The following MEI1 variants were observed in gnomAD, a reference collection of about 807,000 sequenced individuals.
MEI1 encodes the protein meiosis inhibitor protein 1.
A neutral mutation model predicts 146.2 loss-of-function variants in MEI1; 103 were observed. That is an observed-to-expected ratio of 0.70 (90% confidence interval 0.60 to 0.83). The LOEUF (loss-of-function observed/expected upper bound fraction) is 0.83, where lower values mean the gene tolerates loss of function less well. Among genes scored for constraint, MEI1 ranks in the 40% least tolerant of loss-of-function variants. MEI1 has a pLI of 0.00. For missense variants in MEI1, 1,529 were observed against 1,533.0 expected (o/e 1.00, Z 0.04); for synonymous variants, 652 against 628.2 (o/e 1.04, Z -0.57).
rs1194103491 is a variant in MEI1 at position 41,699,637 on chromosome 22, G to A, written c.99G>A (p.Pro33=). 4 of 1,604,394 alleles carry A rather than the reference G, an allele frequency of 2.5e-6. No homozygotes were observed. The highest frequency in any genetic ancestry group is 3.4e-6 in the Non-Finnish European group (4 of 1,175,986). The part of the protein sequence containing the change: ...LFERAHYRHD[P]RWLLPVTPRL... ...AGAGGGCCCATTACCGGCACGACCCGCGCTGGCTGCTGCCCGTGACCCCCC... is the reference window on the plus strand; with the variant it reads ...AGAGGGCCCATTACCGGCACGACCCACGCTGGCTGCTGCCCGTGACCCCCC... The change falls in exon 1 of 31, where the codon CCG becomes CCA. Residue 33 remains proline, a synonymous_variant. Coordinates refer to ENST00000401548, the MANE Select transcript of MEI1 (RefSeq NM_152513.4).
At chr22:41,715,259 G>C (rs917382038) in intron 4 of MEI1, among the ~76,000 whole-genome samples, 2 of 152,004 alleles carry the variant, frequency 1.3e-5, no homozygotes, top group Admixed American at 1.3e-4. Flanking sequence ...TAAGAATCTT[G>C]CCAAAAGTGG....
intron 11 of MEI1, among the ~76,000 whole-genome samples, chr22:41,741,205 C>T (rs915153874): frequency 1.3e-5 from 2 of 152,168 alleles, no homozygotes. Context: ...GTGGGACAAG[C>T]TTGCTTTAGA....
chr22:41,760,328 G>T (rs1018125443), intron 18 of MEI1, among the ~76,000 whole-genome samples: 8 of 150,254 alleles, frequency 5.3e-5, no homozygotes, highest in Non-Finnish European at 7.4e-5. Context: ...ATAAAAAAAA[G>T]AATAAAAAAA....
chr22:41,795,561 C>A lies in MEI1; in HGVS notation c.3666+19C>A, dbSNP rs912776194. The A allele has an allele frequency of 1.9e-6, 3 of 1,613,524 alleles. No homozygotes were observed. Among genetic ancestry groups the A allele is most frequent in the Non-Finnish European group, 2.5e-6 (3 of 1,179,728 alleles). On this transcript the variant is annotated intron_variant, in intron 29 of 30. Transcript: ENST00000401548. This position sits in a 1 kb window ranked among gnomAD's most constrained non-coding sequence, Gnocchi z 4.2. ...CCAGCAGGTGGGTGGGAAGGGGAGGCCATGCAGCCACTGTAAAGCTAGACC... is the reference window on the plus strand; with the variant it reads ...CCAGCAGGTGGGTGGGAAGGGGAGGACATGCAGCCACTGTAAAGCTAGACC...
At chr22:41,794,737 G>A (rs2076304305) in intron 28 of MEI1, among the ~76,000 whole-genome samples, 2 of 152,170 alleles carry the variant, frequency 1.3e-5, no homozygotes, top group South Asian at 4.1e-4. Flanking sequence ...TGCCAGGTCT[G>A]CTAGATACTA....
Position 41,784,443 on chromosome 22 carries a change from CAGA to C in MEI1, c.3169+28_3169+30del, listed in dbSNP as rs1455527728. 1.9e-6 allele frequency: 3 copies of C among 1,612,400 alleles called. No homozygotes were observed. The African/African-American group carries it at 4.0e-5, about 22-fold the overall frequency. ...CAGGTATGGGTCCACAAGTCTCCAG[CAGA>C]AGAAAAGCTTTTTCCCTAGGTTTTC... On this transcript the variant is annotated intron_variant, in intron 25 of 30. Transcript: ENST00000401548.
intron 5 of MEI1, among the ~76,000 whole-genome samples, chr22:41,716,750 C>T (rs1359028720): frequency 1.2e-4 from 17 of 144,636 alleles, no homozygotes; most frequent in Non-Finnish European, 2.1e-4. Context: ...AGTGCAGTGG[C>T]GCGATCTCGG....
intron 18 of MEI1, among the ~76,000 whole-genome samples, chr22:41,758,970 C>T (rs552351397): frequency 6.2e-4 from 95 of 152,144 alleles, no homozygotes; most frequent in Admixed American, 1.2e-3. Context: ...TGGCGAAACC[C>T]TGTCTCCACA....
chr22:41,730,404 G>A (rs1377242860), intron 8 of MEI1, 117 bp from the exon 9 acceptor site: 1 of 679,508 alleles, frequency 1.5e-6, no homozygotes, highest in Non-Finnish European at 2.7e-6. Context: ...GAGAGGATAT[G>A]TGAACAGATG....
chr22:41,706,865 A>G (rs1247132802), intron 3 of MEI1, among the ~76,000 whole-genome samples: 1 of 152,090 alleles, frequency 6.6e-6, no homozygotes, highest in African/African-American at 2.4e-5. Context: ...TAGAAACCAC[A>G]CCAATTATTT....
chr22:41,752,794 G>A (rs2073857148), intron 16 of MEI1, 143 bp downstream of exon 16: 6 of 742,378 alleles, frequency 8.1e-6, no homozygotes, highest in Non-Finnish European at 1.4e-5. Flanking sequence ...AGCATCTGGT[G>A]CAATAAGCTG....
chr22:41,741,959 A>AAAG, intron 11 of MEI1, among the ~76,000 whole-genome samples: 1 of 150,520 alleles, frequency 6.6e-6, no homozygotes, highest in African/African-American at 2.4e-5. Context: ...AAAAAAAAAA[A>AAAG]AGAGAAAAGA....
rs573855556 is a variant in MEI1 at position 41,723,507 on chromosome 22, G to A, written c.734-436G>A. 1.4e-4 allele frequency among the ~76,000 whole-genome samples: 21 copies of A among 152,212 alleles called. No homozygotes were observed. In the South Asian group the frequency reaches 3.7e-3, roughly 27 times the overall value. ...TGGGATTACAGGTGTGAGCCACCAC[G>A]CCTGGTCTTGTCTTACTTGTTTTTG... is the stretch of plus-strand genomic sequence containing the variant. On this transcript the variant is annotated intron_variant, in intron 6 of 30. Coordinates refer to ENST00000401548, the MANE Select transcript of MEI1 (RefSeq NM_152513.4).
intron 11 of MEI1, among the ~76,000 whole-genome samples, chr22:41,735,901 A>C (rs966004954): frequency 6.6e-6 from 1 of 152,208 alleles, no homozygotes; most frequent in Admixed American, 6.5e-5. Flanking sequence ...GCTCAAATCT[A>C]TAGTTCTTGC....
Position 41,785,906 on chromosome 22 carries a change from T to TATTTA in MEI1, c.3345+1123_3345+1124insATTTA, listed in dbSNP as rs139547. On this transcript the variant is annotated intron_variant, in intron 26 of 30. Transcript: ENST00000401548. ...TTTTTTATTTTTTTATTTTTTTATT[T>TATTTA]TTTATTTTATTTTTTTTTTTTTGAG... Among the ~76,000 whole-genome samples, 117 of 127,782 alleles carry TATTTA rather than the reference T, an allele frequency of 9.2e-4. 2 individuals are homozygous for TATTTA. Among genetic ancestry groups the TATTTA allele is most frequent in the South Asian group, 6.5e-3 (26 of 4,024 alleles). The allele number at this position is 127,782 out of a possible 152,430, so 83.8% of individuals were successfully genotyped here.
intron 8 of MEI1, 97 bp from the exon 9 acceptor site, chr22:41,730,424 G>T: frequency 1.3e-6 from 1 of 765,490 alleles, no homozygotes; most frequent in South Asian, 1.5e-5. Context: ...GAAGTAGCAA[G>T]AGTAAGGTGC....
At chr22:41,717,170 TTAA>T (rs981976543) in intron 5 of MEI1, among the ~76,000 whole-genome samples, 2 of 151,836 alleles carry the variant, frequency 1.3e-5, no homozygotes, top group Admixed American at 6.6e-5. Flanking sequence ...TTTAAAAAAA[TTAA>T]TAATAATAAT....
intron 6 of MEI1, among the ~76,000 whole-genome samples, chr22:41,719,920 T>G (rs990895628): frequency 6.6e-6 from 1 of 152,194 alleles, no homozygotes; most frequent in Non-Finnish European, 1.5e-5. Context: ...TGACAGCAGC[T>G]TCTTTTCAAA....
At position 41,732,485 on chromosome 22, in the gene MEI1, A is replaced by G; in HGVS notation, c.1213A>G (p.Lys405Glu). 1 of 1,613,892 alleles carries G rather than the reference A, an allele frequency of 6.2e-7. No individual in the cohort carries two copies. The highest frequency in any genetic ancestry group is 8.5e-7 in the Non-Finnish European group (1 of 1,179,868). Reference protein sequence around the residue: ...EILTRQPEEIKLFTSSAMCRD... With the variant: ...EILTRQPEEIELFTSSAMCRD... ...ATTTCTCAGGCAGCCAGAGGAGATCAAGCTGTTCACAAGCTCAGCCATGTG... is the reference window on the plus strand; with the variant it reads ...ATTTCTCAGGCAGCCAGAGGAGATCGAGCTGTTCACAAGCTCAGCCATGTG... Residue 405 changes from lysine to glutamate, a missense_variant, in exon 11 of 31, where the codon AAG becomes GAG. Lys to Glu is a moderately conservative substitution (Grantham distance 56). Around this residue, in one of 3 missense-constraint regions of MEI1, gnomAD observed 1,212 missense variants for 1,178.9 expected, o/e 1.03. Transcript: ENST00000401548.
Sources: allele counts gnomAD v4.1 joint callset (sites outside exome capture counted in the v4.1 genomes callset), GRCh38; gene constraint gnomAD v4.1.1; regional missense constraint gnomAD v4.1.1; non-coding constraint Gnocchi (gnomAD v3.1); transcripts MANE v1.5; gene names NCBI Gene and HGNC (gene_info 2026-07-23, HGNC 2026-07-21).